The following NOPCHAP1 variants were observed in gnomAD, a reference collection of about 807,000 sequenced individuals.
NOPCHAP1 encodes NOP protein chaperone 1.
A neutral mutation model predicts 14.0 loss-of-function variants in NOPCHAP1; 13 were observed. The observed-to-expected ratio is 0.93, with a 90% CI of 0.60 to 1.47. The LOEUF (loss-of-function observed/expected upper bound fraction) is 1.47. Among genes scored for constraint, NOPCHAP1 ranks in the 40% most tolerant of loss-of-function variants. NOPCHAP1 has a pLI of 0.00. For missense variants in NOPCHAP1, 230 were observed against 226.9 expected, an observed-to-expected ratio of 1.01 and a Z score of -0.09; for synonymous variants, 78 against 78.4, an observed-to-expected ratio of 1.00 and a Z score of 0.03.
At chr12:104,988,105 G>A in intron 1 of NOPCHAP1, 62 bp from the exon 2 acceptor site, 1 of 1,322,914 alleles carries the variant, frequency 7.6e-7, no homozygotes, top group Non-Finnish European at 1.1e-6. Context: ...GAGGCTTACT[G>A]ATGGGCCTTT....
chr12:105,004,574 A>C lies in NOPCHAP1; in HGVS notation c.*9878A>C, dbSNP rs568140689. 5.3e-5 allele frequency: 8 copies of C among 152,124 alleles called. No homozygotes were observed. The highest frequency in any genetic ancestry group is 2.1e-4 in the South Asian group (1 of 4,824). 9.4% of individuals were successfully genotyped at this position (152,124 alleles called of 1,614,324 possible). A position where few individuals can be genotyped will look rare whatever the true frequency, so the allele number is the denominator to read the frequency against. ...GTGTCTCAAAACAAATAAATAAATA[A>C]AAATTACCAGTTTTGTTTTAAATTA... On this transcript the variant is annotated 3_prime_UTR_variant, in exon 4 of 4. Coordinates refer to ENST00000552951, the MANE Select transcript of NOPCHAP1 (RefSeq NM_152318.3).
intron 1 of NOPCHAP1, among the ~76,000 whole-genome samples, chr12:104,986,848 C>T (rs1291048286): frequency 6.6e-6 from 1 of 152,130 alleles, no homozygotes; most frequent in Non-Finnish European, 1.5e-5. Flanking sequence ...TAGGGGGAAG[C>T]GGAGTAATAT....
rs1356159950 is a variant in NOPCHAP1, at chr12:105,009,676, G to A, written c.*14980G>A. On this transcript the variant is annotated 3_prime_UTR_variant, in exon 4 of 4. Transcript: ENST00000552951. The stretch of plus-strand genomic sequence containing the variant: ...TTATTGAGAGTTTTTAGCATGAAGG[G>A]GTGTTGAATTTTATCAAAGGCCTTT... 7 of 152,052 alleles carry A rather than the reference G, an allele frequency of 4.6e-5. No homozygotes were observed. The highest frequency in any genetic ancestry group is 2.0e-4 in the Admixed American group (3 of 15,252). The allele number at this position is 152,052 out of a possible 1,614,324, so 9.4% of individuals were successfully genotyped here.
chr12:104,988,069 G>A, intron 1 of NOPCHAP1, 98 bp from the exon 2 acceptor site: 1 of 905,102 alleles, frequency 1.1e-6, no homozygotes. Context: ...AGTGTGGACA[G>A]TCAAGTCTTA....
rs781413827 is a variant in NOPCHAP1, at chr12:104,986,346, G to A, written c.-7G>A. Reference sequence around the variant, plus strand: ...TCCGGGCCTGAGAGTGCAGGCTTGAGGGAAGCATGGAGGTCCATGGCAAGC... The same window carrying A: ...TCCGGGCCTGAGAGTGCAGGCTTGAAGGAAGCATGGAGGTCCATGGCAAGC... On this transcript the variant is annotated 5_prime_UTR_variant, in exon 1 of 4. Coordinates refer to ENST00000552951, the MANE Select transcript of NOPCHAP1 (RefSeq NM_152318.3). 5.0e-6 allele frequency: 8 copies of A among 1,604,196 alleles called. No homozygotes were observed. Among genetic ancestry groups the A allele is most frequent in the Non-Finnish European group, 6.8e-6 (8 of 1,175,334 alleles).
At chr12:104,990,554 C>A (rs1248037889) in intron 2 of NOPCHAP1, among the ~76,000 whole-genome samples, 1 of 152,148 alleles carries the variant, frequency 6.6e-6, no homozygotes, top group Admixed American at 6.5e-5. Context: ...CCACTATTTT[C>A]TTTTCTTCTT....
rs1303322442 is a variant in NOPCHAP1 at position 104,997,835 on chromosome 12, A to G, written c.*3139A>G. Reference sequence around the variant, plus strand: ...GTTTCTCTCCCTTTCAGTCACATCAATGAGTCATAGATTGGGTCTCTTTTC... The same window carrying G: ...GTTTCTCTCCCTTTCAGTCACATCAGTGAGTCATAGATTGGGTCTCTTTTC... On this transcript the variant is annotated 3_prime_UTR_variant, in exon 4 of 4. Transcript: ENST00000552951. 7.9e-5 allele frequency: 12 copies of G among 152,194 alleles called. No homozygotes were observed. The highest frequency in any genetic ancestry group is 5.9e-5 in the Non-Finnish European group (4 of 68,014). The allele number at this position is 152,194 out of a possible 1,614,324, so 9.4% of individuals were successfully genotyped here.
chr12:104,989,459 A>G (rs1468739346), intron 2 of NOPCHAP1, among the ~76,000 whole-genome samples: 1 of 152,090 alleles, frequency 6.6e-6, no homozygotes, highest in Non-Finnish European at 1.5e-5. Context: ...ACATCACTAC[A>G]CTTTCTTTTC....
chr12:104,998,494 G>A lies in NOPCHAP1; in HGVS notation c.*3798G>A, dbSNP rs2136028898. The A allele has an allele frequency of 6.6e-6, 1 of 152,352 alleles. No homozygotes were observed. The highest frequency in any genetic ancestry group is 1.9e-4 in the East Asian group (1 of 5,182). The allele number at this position is 152,352 out of a possible 1,614,324, so 9.4% of individuals were successfully genotyped here. A position where few individuals can be genotyped will look rare whatever the true frequency, so the allele number is the denominator to read the frequency against. ...GGACTGTATGCTGTAATTCTGGGGG[G>A]CTGATATCAGGCCCCTGGCTTTGTT... is the stretch of plus-strand genomic sequence containing the variant. On this transcript the variant is annotated 3_prime_UTR_variant, in exon 4 of 4. Coordinates refer to ENST00000552951, the MANE Select transcript of NOPCHAP1 (RefSeq NM_152318.3).
At position 105,015,924 on chromosome 12, in the gene NOPCHAP1, A is replaced by G. The variant is rs998649383; in HGVS notation, c.*21228A>G. ...TGGATTAAGGATTTAAATGTAAAAA[A>G]AGAAATTATAAGAGTTCCATACCGA... On this transcript the variant is annotated 3_prime_UTR_variant, in exon 4 of 4. Coordinates refer to ENST00000552951, the MANE Select transcript of NOPCHAP1 (RefSeq NM_152318.3). 1 of 152,208 alleles carries G rather than the reference A, an allele frequency of 6.6e-6. No homozygotes were observed. Among genetic ancestry groups the G allele is most frequent in the Non-Finnish European group, 1.5e-5 (1 of 68,046 alleles). 9.4% of individuals were successfully genotyped at this position (152,208 alleles called of 1,614,324 possible).
rs1322381407 is a variant in NOPCHAP1 at position 105,014,516 on chromosome 12, A to G, written c.*19820A>G. ...GTTCAAGTGTCACCTGTATTTAGCTATTCTCAAACATACCTATTTTTATTT... is the reference window on the plus strand; with the variant it reads ...GTTCAAGTGTCACCTGTATTTAGCTGTTCTCAAACATACCTATTTTTATTT... On this transcript the variant is annotated 3_prime_UTR_variant, in exon 4 of 4. Transcript: ENST00000552951. 1 of 152,220 alleles carries G rather than the reference A, an allele frequency of 6.6e-6. No homozygotes were observed. Among genetic ancestry groups the G allele is most frequent in the Non-Finnish European group, 1.5e-5 (1 of 68,030 alleles). The allele number at this position is 152,220 out of a possible 1,614,324, so 9.4% of individuals were successfully genotyped here.
In NOPCHAP1 at chr12:104,986,350, A is replaced by C. The variant is rs756229045; in HGVS notation, c.-3A>C. On this transcript the variant is annotated 5_prime_UTR_variant, in exon 1 of 4. Transcript: ENST00000552951. ...GGCCTGAGAGTGCAGGCTTGAGGGAAGCATGGAGGTCCATGGCAAGCCCAA... is the reference window on the plus strand; with the variant it reads ...GGCCTGAGAGTGCAGGCTTGAGGGACGCATGGAGGTCCATGGCAAGCCCAA... 1.9e-6 allele frequency: 3 copies of C among 1,605,932 alleles called. No individual in the cohort carries two copies. The highest frequency in any genetic ancestry group is 2.2e-5 in the South Asian group (2 of 89,486).
rs1217478890 is a variant in NOPCHAP1 at position 105,014,079 on chromosome 12, C to G, written c.*19383C>G. On this transcript the variant is annotated 3_prime_UTR_variant, in exon 4 of 4. Coordinates refer to ENST00000552951, the MANE Select transcript of NOPCHAP1 (RefSeq NM_152318.3). ...TGTCACATGGTATCGTGAGTAGATA[C>G]TTGCAACACGAGCTCATCGCAATAG... The G allele has an allele frequency of 6.6e-6, 1 of 152,198 alleles. No individual in the cohort carries two copies. Among genetic ancestry groups the G allele is most frequent in the East Asian group, 1.9e-4 (1 of 5,196 alleles). 9.4% of individuals were successfully genotyped at this position (152,198 alleles called of 1,614,324 possible). A position where few individuals can be genotyped will look rare whatever the true frequency, so the allele number is the denominator to read the frequency against.
intron 1 of NOPCHAP1, among the ~76,000 whole-genome samples, chr12:104,986,869 G>T (rs1382745024): frequency 6.6e-6 from 1 of 152,286 alleles, no homozygotes; most frequent in African/African-American, 2.4e-5. Context: ...TATGCTAACA[G>T]TCCCTACCTC....
chr12:105,003,687 CAGTT>C lies in NOPCHAP1; in HGVS notation c.*8992_*8995del, dbSNP rs1352395698. Reference sequence around the variant, plus strand: ...AAACCTCTAGACAAATTAAATTTAACAGTTTGTTTGAGCAAAGAACAATTTTATG... The same window carrying C: ...AAACCTCTAGACAAATTAAATTTAACTGTTTGAGCAAAGAACAATTTTATG... On this transcript the variant is annotated 3_prime_UTR_variant, in exon 4 of 4. Coordinates refer to ENST00000552951, the MANE Select transcript of NOPCHAP1 (RefSeq NM_152318.3). The C allele has an allele frequency of 1.3e-5, 2 of 152,162 alleles. No homozygotes were observed. The highest frequency in any genetic ancestry group is 4.8e-5 in the African/African-American group (2 of 41,442). 9.4% of individuals were successfully genotyped at this position (152,162 alleles called of 1,614,324 possible). A position where few individuals can be genotyped will look rare whatever the true frequency, so the allele number is the denominator to read the frequency against.
At chr12:104,987,528 A>G (rs1452432934) in intron 1 of NOPCHAP1, among the ~76,000 whole-genome samples, 1 of 152,166 alleles carries the variant, frequency 6.6e-6, no homozygotes, top group Admixed American at 6.5e-5. Context: ...TTTTTTAACC[A>G]GAGAGTTAAG....
intron 2 of NOPCHAP1, among the ~76,000 whole-genome samples, chr12:104,989,567 C>T (rs1330984737): frequency 2.0e-5 from 3 of 152,164 alleles, no homozygotes; most frequent in Admixed American, 2.0e-4. Context: ...CCCTTCATTA[C>T]TGGTTTTTAC....
At position 105,001,544 on chromosome 12, in the gene NOPCHAP1, C is replaced by CT. The variant is rs1277993742; in HGVS notation, c.*6849dup. On this transcript the variant is annotated 3_prime_UTR_variant, in exon 4 of 4. Transcript: ENST00000552951. Reference sequence around the variant, plus strand: ...TCTGGTTCAGGAGAGTCAGGAAACTCTAAGATTATTTGTCCCTCTGAAAGA... The same window carrying CT: ...TCTGGTTCAGGAGAGTCAGGAAACTCTTAAGATTATTTGTCCCTCTGAAAGA... 3 of 152,258 alleles carry CT rather than the reference C, an allele frequency of 2.0e-5. No individual in the cohort carries two copies. The East Asian group carries it at 5.8e-4, about 29-fold the overall frequency. 9.4% of individuals were successfully genotyped at this position (152,258 alleles called of 1,614,324 possible).
rs555439175 is a variant in NOPCHAP1 at position 105,012,158 on chromosome 12, G to T, written c.*17462G>T. The T allele has an allele frequency of 6.6e-6, 1 of 152,276 alleles. No homozygotes were observed. Among genetic ancestry groups the T allele is most frequent in the Admixed American group, 6.5e-5 (1 of 15,302 alleles). 9.4% of individuals were successfully genotyped at this position (152,276 alleles called of 1,614,324 possible). A position where few individuals can be genotyped will look rare whatever the true frequency, so the allele number is the denominator to read the frequency against. ...AACGTAGGCTAGGTCTTTTCACATAGTCTCATATTTCTTGGACGCTTTGTT... is the reference window on the plus strand; with the variant it reads ...AACGTAGGCTAGGTCTTTTCACATATTCTCATATTTCTTGGACGCTTTGTT... On this transcript the variant is annotated 3_prime_UTR_variant, in exon 4 of 4. Coordinates refer to ENST00000552951, the MANE Select transcript of NOPCHAP1 (RefSeq NM_152318.3).
Sources: gnomAD v4.1 joint callset for allele counts (sites outside exome capture counted in the v4.1 genomes callset) on GRCh38, gnomAD v4.1.1 for gene constraint, MANE v1.5 for transcripts, NCBI Gene and HGNC (gene_info 2026-07-23, HGNC 2026-07-21) for gene names.